The following DRC1 variants were observed in gnomAD, a reference collection of about 807,000 sequenced individuals.
DRC1 encodes dynein regulatory complex protein 1.
In DRC1, 74 loss-of-function variants were observed where a neutral mutation model predicts 98.7. The observed-to-expected ratio is 0.75, with a 90% CI of 0.62 to 0.91. The LOEUF (loss-of-function observed/expected upper bound fraction) is 0.91, where lower values mean the gene tolerates loss of function less well. Among genes scored for constraint, DRC1 ranks in the 40% least tolerant of loss-of-function variants. The pLI is 0.00. For synonymous variants in DRC1, 336 were observed against 334.1 expected (o/e 1.01, Z -0.06); for missense variants, 875 against 886.0 (o/e 0.99, Z 0.16).
chr2:26,431,814 A>G, intron 6 of DRC1, 70 bp from the exon 7 acceptor site: 1 of 1,593,094 alleles, frequency 6.3e-7, no homozygotes, highest in Non-Finnish European at 8.6e-7. Context: ...CATGCTGGGC[A>G]GGCCATCCGA....
chr2:26,429,807 C>A (rs768438135), intron 5 of DRC1, 42 bp downstream of exon 5: 3 of 1,605,184 alleles, frequency 1.9e-6, no homozygotes, highest in Non-Finnish European at 2.6e-6. Context: ...TCTTGGAGGG[C>A]CCCTGGGAGG....
intron 7 of DRC1, among the ~76,000 whole-genome samples, chr2:26,435,394 G>A (rs946308805): frequency 6.6e-6 from 1 of 152,168 alleles, no homozygotes; most frequent in East Asian, 1.9e-4. Flanking sequence ...AATAAGCACA[G>A]ACATTTAACA....
chr2:26,453,623 G>T (rs976033270), intron 14 of DRC1, 74 bp downstream of exon 14: 2 of 1,442,168 alleles, frequency 1.4e-6, no homozygotes, highest in South Asian at 1.3e-5. Flanking sequence ...GCCAGGCAGA[G>T]CCAGTGAGTG....
chr2:26,413,574 A>G (rs982721735), intron 1 of DRC1, among the ~76,000 whole-genome samples: 1 of 152,192 alleles, frequency 6.6e-6, no homozygotes, highest in Non-Finnish European at 1.5e-5. Flanking sequence ...CTCTGATTAT[A>G]TGTGAAGCTG....
chr2:26,430,521 T>C (rs370069389), intron 5 of DRC1: 22 of 553,692 alleles, frequency 4.0e-5, no homozygotes, highest in South Asian at 3.4e-4. Flanking sequence ...CTTCCTCCAG[T>C]TCCCTGCCTC....
chr2:26,414,834 G>A (rs556091333), intron 2 of DRC1, among the ~76,000 whole-genome samples: 1 of 152,166 alleles, frequency 6.6e-6, no homozygotes, highest in East Asian at 1.9e-4. Context: ...TCTGCTCTGT[G>A]CCTTTGATCA....
intron 10 of DRC1, chr2:26,448,157 G>A (rs141857282): frequency 0.013 from 3,280 of 261,474 alleles, 101 homozygotes; most frequent in African/African-American, 0.067. Flanking sequence ...CCCAGGAGGC[G>A]GAGGTTGCAG....
chr2:26,416,846 G>C (rs1206300233), intron 2 of DRC1, among the ~76,000 whole-genome samples: 2 of 152,160 alleles, frequency 1.3e-5, no homozygotes, highest in Non-Finnish European at 2.9e-5. Context: ...TTTATAAGGA[G>C]GTTTAATTGG....
intron 2 of DRC1, among the ~76,000 whole-genome samples, chr2:26,414,788 A>G (rs1678742667): frequency 6.6e-6 from 1 of 152,072 alleles, no homozygotes. Flanking sequence ...GGTGAGGCGG[A>G]TCCACTCACT....
intron 14 of DRC1, among the ~76,000 whole-genome samples, chr2:26,453,794 C>T (rs932976288): frequency 3.3e-5 from 5 of 152,166 alleles, no homozygotes; most frequent in African/African-American, 1.2e-4. Flanking sequence ...CTGAAGGCTG[C>T]CATGTGTAAG....
chr2:26,448,611 TCTGA>T, intron 10 of DRC1, 76 bp from the exon 11 acceptor site: 1 of 1,404,804 alleles, frequency 7.1e-7, no homozygotes, highest in African/African-American at 1.4e-5. Flanking sequence ...AGGAAAGCCA[TCTGA>T]CTGTTTCTCA....
chr2:26,454,229 C>T lies in DRC1; in HGVS notation c.1920-418C>T, dbSNP rs1023396871. 4.6e-5 allele frequency among the ~76,000 whole-genome samples: 7 copies of T among 151,964 alleles called. No homozygotes were observed. The highest frequency in any genetic ancestry group is 7.3e-5 in the African/African-American group (3 of 41,348). On this transcript the variant is annotated intron_variant, in intron 14 of 16. Coordinates refer to ENST00000288710, the MANE Select transcript of DRC1 (RefSeq NM_145038.5). This position sits in a 1 kb window ranked among gnomAD's most constrained non-coding sequence, Gnocchi z 5.2. ...GATCATTGTGGCGTCAGGGAAGGGG[C>T]GAAGCTGGATACAGGGAAAGCATCA... is the stretch of plus-strand genomic sequence containing the variant.
intron 7 of DRC1, among the ~76,000 whole-genome samples, chr2:26,434,301 A>C (rs1242742155): frequency 6.6e-6 from 1 of 152,186 alleles, no homozygotes; most frequent in Admixed American, 6.5e-5. Flanking sequence ...GAAGCCTGTA[A>C]ACATTGTGTA....
chr2:26,450,153 C>A, intron 12 of DRC1, 68 bp downstream of exon 12: 1 of 1,485,384 alleles, frequency 6.7e-7, no homozygotes, highest in Non-Finnish European at 9.2e-7. Flanking sequence ...ATGGCCCTGC[C>A]ATTGCCTCAA....
intron 2 of DRC1, among the ~76,000 whole-genome samples, chr2:26,417,184 C>T (rs766281731): frequency 2.0e-5 from 3 of 152,164 alleles, no homozygotes; most frequent in African/African-American, 2.4e-5. Context: ...GACAAAAGAT[C>T]GAAACTATAT....
At position 26,409,781 on chromosome 2, in the gene DRC1, A is replaced by G. The variant is rs1001439941; in HGVS notation, c.156-4563A>G. Among the ~76,000 whole-genome samples the G allele has an allele frequency of 2.6e-5, 4 of 152,194 alleles. No individual in the cohort carries two copies. The East Asian group carries it at 7.7e-4, about 29-fold the overall frequency. On this transcript the variant is annotated intron_variant, in intron 1 of 16. Coordinates refer to ENST00000288710, the MANE Select transcript of DRC1 (RefSeq NM_145038.5). ...ATTTTTTCCACGTAAAACAGTGTTT[A>G]TTTATTTTTAACCCATGTTTTAATT...
chr2:26,448,262 G>T (rs866554445), intron 10 of DRC1: 1 of 421,966 alleles, frequency 2.4e-6, no homozygotes, highest in African/African-American at 2.1e-5. Context: ...AATGTGCAAA[G>T]CCACCTGCCC....
rs187863482 is a variant in DRC1 at position 26,418,763 on chromosome 2, T to A, written c.244-2525T>A. Among the ~76,000 whole-genome samples the A allele has an allele frequency of 5.4e-3, 692 of 127,908 alleles. 22 individuals carry two copies. The South Asian group carries it at 0.077, about 14-fold the overall frequency. The allele number at this position is 127,908 out of a possible 152,430, so 83.9% of individuals were successfully genotyped here. A position where few individuals can be genotyped will look rare whatever the true frequency, so the allele number is the denominator to read the frequency against. The stretch of plus-strand genomic sequence containing the variant: ...ATATATAATATAAATTATATTTTTA[T>A]ATATTATGTATAATTTATATATTTA... On this transcript the variant is annotated intron_variant, in intron 2 of 16. Coordinates refer to ENST00000288710, the MANE Select transcript of DRC1 (RefSeq NM_145038.5).
intron 11 of DRC1, 100 bp downstream of exon 11, chr2:26,448,903 G>GGGGAGGAC: frequency 1.6e-6 from 2 of 1,232,678 alleles, no homozygotes; most frequent in Non-Finnish European, 2.3e-6. Flanking sequence ...GAGTGGGCCA[G>GGGGAGGAC]TCCTCCCCTG....
Sources: allele counts gnomAD v4.1 joint callset (sites outside exome capture counted in the v4.1 genomes callset), GRCh38; gene constraint gnomAD v4.1.1; non-coding constraint Gnocchi (gnomAD v3.1); transcripts MANE v1.5; gene names NCBI Gene and HGNC (gene_info 2026-07-23, HGNC 2026-07-21).